EIF2AK4: variants seen among roughly 807,000 people sequenced by gnomAD.
EIF2AK4 encodes the protein eIF-2-alpha kinase GCN2.
A neutral mutation model predicts 211.1 loss-of-function variants in EIF2AK4; 139 were observed. The observed-to-expected ratio is 0.66, with a 90% CI of 0.57 to 0.76. The LOEUF (loss-of-function observed/expected upper bound fraction) is 0.76. Among genes scored for constraint, EIF2AK4 ranks in the 30% least tolerant of loss-of-function variants. The pLI is 0.00. For synonymous variants in EIF2AK4, 710 were observed against 751.3 expected, an observed-to-expected ratio of 0.94 and a Z score of 0.90; for missense variants, 1,664 against 2,043.8, an observed-to-expected ratio of 0.81 and a Z score of 3.58.
intron 19 of EIF2AK4, among the ~76,000 whole-genome samples, chr15:39,998,264 T>G (rs560024883): frequency 4.9e-5 from 6 of 122,652 alleles, no homozygotes; most frequent in African/African-American, 1.3e-4. Flanking sequence ...GTGGTTTTTT[T>G]TTTTTGTTTT....
intron 5 of EIF2AK4, among the ~76,000 whole-genome samples, chr15:39,954,997 T>G (rs912301078): frequency 1.3e-5 from 2 of 152,222 alleles, no homozygotes; most frequent in Non-Finnish European, 2.9e-5. Context: ...CTGTCTTGTA[T>G]AATTACCTCC....
intron 14 of EIF2AK4, 141 bp downstream of exon 14, chr15:39,986,029 A>G (rs540308837): frequency 1.4e-5 from 10 of 705,314 alleles, no homozygotes; most frequent in Non-Finnish European, 2.3e-5. Context: ...GAGGATTACC[A>G]TATGGAGGCC....
At chr15:40,022,700 G>A (rs2035408185) in intron 32 of EIF2AK4, 95 bp downstream of exon 32, 3 of 1,062,102 alleles carry the variant, frequency 2.8e-6, no homozygotes, top group Admixed American at 2.2e-5. Flanking sequence ...TAGGTGACTG[G>A]AAATCCGTTC....
chr15:39,981,924 CT>C (rs34776250), intron 13 of EIF2AK4, among the ~76,000 whole-genome samples: 9,147 of 122,160 alleles, frequency 0.075, 479 homozygotes, highest in East Asian at 0.21. Context: ...AATGTGGTCA[CT>C]TTTTTTTTTT....
Position 39,996,305 on chromosome 15 carries a change from A to T in EIF2AK4, c.2767-659A>T, listed in dbSNP as rs191376604. The stretch of plus-strand genomic sequence containing the variant: ...GGTTAGCTAAGATGTGAAACAAAGC[A>T]AATTCTTATGATCAATCTCAGTTGT... On this transcript the variant is annotated intron_variant, in intron 18 of 38. Coordinates refer to ENST00000263791, the MANE Select transcript of EIF2AK4 (RefSeq NM_001013703.4). 2.2e-3 allele frequency among the ~76,000 whole-genome samples: 337 copies of T among 152,358 alleles called. 2 individuals carry two copies. Among genetic ancestry groups the T allele is most frequent in the Non-Finnish European group, 4.3e-3 (292 of 68,032 alleles).
rs576624755 is a variant in EIF2AK4 at position 39,979,692 on chromosome 15, A to G, written c.2319+1545A>G. On this transcript the variant is annotated intron_variant, in intron 13 of 38. Transcript: ENST00000263791. The stretch of plus-strand genomic sequence containing the variant: ...TTTAAAACTGAAAATCAATTTTACT[A>G]TAGACAGGAGTTCTGTGGAGTATAC... Among the ~76,000 whole-genome samples, 136 of 152,310 alleles carry G rather than the reference A, an allele frequency of 8.9e-4. 1 individual carries two copies. Among genetic ancestry groups the G allele is most frequent in the African/African-American group, 3.2e-3 (131 of 41,570 alleles).
intron 33 of EIF2AK4, among the ~76,000 whole-genome samples, chr15:40,028,707 T>C (rs1040124524): frequency 6.6e-6 from 1 of 152,200 alleles, no homozygotes; most frequent in Non-Finnish European, 1.5e-5. Context: ...GGGAACATAA[T>C]GTTCTGGAAA....
At chr15:39,962,558 A>G (rs920043283) in intron 7 of EIF2AK4, among the ~76,000 whole-genome samples, 1 of 152,160 alleles carries the variant, frequency 6.6e-6, no homozygotes, top group Admixed American at 6.5e-5. Context: ...TCCTGGGCTC[A>G]CTCAATATTC....
intron 14 of EIF2AK4, among the ~76,000 whole-genome samples, chr15:39,986,711 C>G (rs2034870708): frequency 6.6e-6 from 1 of 152,150 alleles, no homozygotes. Context: ...AAAAATTAGC[C>G]AGGCATGGTG....
At chr15:40,026,934 C>T (rs1470200130) in intron 33 of EIF2AK4, among the ~76,000 whole-genome samples, 1 of 152,166 alleles carries the variant, frequency 6.6e-6, no homozygotes, top group African/African-American at 2.4e-5. Context: ...TCATTTATAA[C>T]AGCAGTTCTC....
At chr15:39,936,938 G>T (rs2034072996) in intron 1 of EIF2AK4, among the ~76,000 whole-genome samples, 1 of 152,002 alleles carries the variant, frequency 6.6e-6, no homozygotes, top group Non-Finnish European at 1.5e-5. Context: ...ATAAATTCAG[G>T]TTAGATTTTT....
At chr15:39,943,356 T>C in intron 2 of EIF2AK4, 27 bp from the exon 3 acceptor site, 1 of 1,208,300 alleles carries the variant, frequency 8.3e-7, no homozygotes, top group Non-Finnish European at 1.1e-6. Context: ...TAACTCTTTT[T>C]TTTTTTTTTT....
intron 13 of EIF2AK4, among the ~76,000 whole-genome samples, chr15:39,981,510 A>G (rs1204165610): frequency 1.3e-5 from 2 of 152,194 alleles, no homozygotes; most frequent in Non-Finnish European, 2.9e-5. Context: ...ATCCTAATTG[A>G]TGGGTAGAAA....
chr15:39,992,118 A>T (rs2034952067), intron 16 of EIF2AK4, 57 bp from the exon 17 acceptor site: 1 of 1,453,992 alleles, frequency 6.9e-7, no homozygotes, highest in African/African-American at 1.4e-5. Flanking sequence ...CAGACAAGCC[A>T]TTCTCATGGA....
intron 9 of EIF2AK4, 50 bp downstream of exon 9, chr15:39,967,929 G>T: frequency 6.4e-7 from 1 of 1,567,324 alleles, no homozygotes; most frequent in Non-Finnish European, 8.7e-7. Flanking sequence ...CTGTACTTTT[G>T]ATTGTGCTGG....
intron 9 of EIF2AK4, among the ~76,000 whole-genome samples, chr15:39,972,074 T>C (rs1400285670): frequency 6.6e-6 from 1 of 151,984 alleles, no homozygotes; most frequent in Non-Finnish European, 1.5e-5. Context: ...AGAAAGTATA[T>C]GAGGCCGGGC....
At chr15:39,947,342 A>C (rs906467545) in intron 3 of EIF2AK4, among the ~76,000 whole-genome samples, 2 of 152,188 alleles carry the variant, frequency 1.3e-5, no homozygotes, top group African/African-American at 4.8e-5. Context: ...GGAGTCATTT[A>C]ATTATTTGAA....
chr15:39,972,795 A>G, intron 9 of EIF2AK4, 113 bp from the exon 10 acceptor site: 1 of 763,256 alleles, frequency 1.3e-6, no homozygotes, highest in Non-Finnish European at 2.2e-6. Flanking sequence ...TTTGAGTAAC[A>G]TGAATTCTAT....
intron 13 of EIF2AK4, among the ~76,000 whole-genome samples, chr15:39,982,049 C>T (rs557345672): frequency 1.2e-4 from 18 of 151,868 alleles, no homozygotes; most frequent in African/African-American, 3.6e-4. Context: ...CTCAGCCTCC[C>T]GAGTAGCTGG....
Sources: allele counts gnomAD v4.1 joint callset (sites outside exome capture counted in the v4.1 genomes callset), GRCh38; gene constraint gnomAD v4.1.1; transcripts MANE v1.5; gene names NCBI Gene and HGNC (gene_info 2026-07-23, HGNC 2026-07-21).